Variants in HERC2 observed in about 807,000 individuals in gnomAD.
HERC2 encodes HECT and RLD domain containing E3 ubiquitin protein ligase 2.
HERC2 carries 102 observed loss-of-function variants against 537.7 expected under a neutral mutation model. That is an observed-to-expected ratio of 0.19 (90% confidence interval 0.16 to 0.22). The LOEUF (loss-of-function observed/expected upper bound fraction) is 0.22, where lower values mean the gene tolerates loss of function less well. Among genes scored for constraint, HERC2 ranks in the 10% least tolerant of loss-of-function variants. The pLI is 1.00. For missense variants in HERC2, 4,236 were observed against 6,198.2 expected (o/e 0.68, Z 10.63); for synonymous variants, 2,224 against 2,466.2 (o/e 0.90, Z 2.91).
chr15:28,203,432 A>C (rs1898082547), intron 45 of HERC2: 1 of 152,022 alleles, frequency 6.6e-6, no homozygotes, highest in African/African-American at 2.4e-5. Context: ...TTCATTCTAA[A>C]AGTTTAAAAT....
chr15:28,256,225 C>A lies in HERC2; in HGVS notation c.2610G>T (p.Val870=). 1 of 1,600,008 alleles carries A rather than the reference C, an allele frequency of 6.2e-7. No individual in the cohort carries two copies. Among genetic ancestry groups the A allele is most frequent in the Non-Finnish European group, 8.5e-7 (1 of 1,179,892 alleles). The change falls in exon 18 of 93, where the codon GTG becomes GTT. Residue 870 remains valine, a synonymous_variant. Transcript: ENST00000261609. ...ILLNSLKQTV[V]TLASSAGVLS... ...GCACGCCCGCACTGCTGGCCAGGGT[C>A]ACCACCGTCTGCTTCAGGCTGTTCA...
At chr15:28,162,193 C>T (rs942351362) in intron 69 of HERC2, among the ~76,000 whole-genome samples, 2 of 151,976 alleles carry the variant, frequency 1.3e-5, no homozygotes, top group African/African-American at 2.4e-5. Context: ...AGCCAGGCAT[C>T]GTGGCGCATG....
At chr15:28,115,360 G>A (rs185413238) in intron 89 of HERC2, 69 bp downstream of exon 89, 81 of 1,026,242 alleles carry the variant, frequency 7.9e-5, no homozygotes, top group East Asian at 5.8e-4. Flanking sequence ...CAGCCTGACC[G>A]GACCCGCAGA....
chr15:28,315,098 T>G (rs370163199), intron 2 of HERC2, among the ~76,000 whole-genome samples: 355 of 152,284 alleles, frequency 2.3e-3, no homozygotes, highest in African/African-American at 7.6e-3. Context: ...TACAACCAAT[T>G]GTTCAGCCAG....
At chr15:28,155,537 T>C (rs932400674) in intron 69 of HERC2, among the ~76,000 whole-genome samples, 7 of 151,942 alleles carry the variant, frequency 4.6e-5, no homozygotes, top group South Asian at 2.1e-4. Context: ...CATTTTTTCA[T>C]GTGTCTGGTG....
chr15:28,114,826 C>A, intron 89 of HERC2, 24 bp from the exon 90 acceptor site: 1 of 1,604,084 alleles, frequency 6.2e-7, no homozygotes, highest in South Asian at 1.1e-5. Context: ...AAAGAAAGCC[C>A]ATGTGTCGAC....
chr15:28,157,227 A>C lies in HERC2; in HGVS notation c.10747-4397T>G, dbSNP rs543648835. On this transcript the variant is annotated intron_variant, in intron 69 of 92. Transcript: ENST00000261609. Reference sequence around the variant, plus strand: ...AAATTCTTTTTGTTGTGTCTCTGCCAGGCTTTGGTATCAGGATGGTGCTGG... The same window carrying C: ...AAATTCTTTTTGTTGTGTCTCTGCCCGGCTTTGGTATCAGGATGGTGCTGG... Among the ~76,000 whole-genome samples, 3 of 152,296 alleles carry C rather than the reference A, an allele frequency of 2.0e-5. No individual in the cohort carries two copies. The South Asian group carries it at 6.2e-4, about 32-fold the overall frequency.
chr15:28,196,114 T>C, intron 52 of HERC2, 101 bp downstream of exon 52: 4 of 1,152,322 alleles, frequency 3.5e-6, no homozygotes, highest in East Asian at 2.4e-5. Context: ...AATTACTGTA[T>C]ACATAGGAAC....
chr15:28,261,777 C>A (rs1446995478), intron 15 of HERC2, among the ~76,000 whole-genome samples: 1 of 152,150 alleles, frequency 6.6e-6, no homozygotes, highest in African/African-American at 2.4e-5. Flanking sequence ...ACAATAAACA[C>A]CATATGGGCG....
intron 56 of HERC2, among the ~76,000 whole-genome samples, chr15:28,185,251 G>A (rs886780562): frequency 1.3e-5 from 2 of 151,964 alleles, no homozygotes; most frequent in Admixed American, 6.5e-5. Flanking sequence ...GCTCAACAGC[G>A]GCACAGGGCA....
At chr15:28,209,597 C>A (rs1030322423) in intron 44 of HERC2, among the ~76,000 whole-genome samples, 4 of 152,310 alleles carry the variant, frequency 2.6e-5, no homozygotes, top group Non-Finnish European at 4.4e-5. Flanking sequence ...CCCGCCTTAG[C>A]CTCCCAAAGT....
At chr15:28,266,481 C>T (rs146443288) in intron 12 of HERC2, among the ~76,000 whole-genome samples, 1,603 of 152,176 alleles carry the variant, frequency 0.011, 18 homozygotes, top group Non-Finnish European at 0.019. Context: ...CCCCATTGCA[C>T]TCCACCTTGG....
intron 12 of HERC2, among the ~76,000 whole-genome samples, chr15:28,266,765 A>G (rs1323141525): frequency 6.6e-6 from 1 of 152,176 alleles, no homozygotes; most frequent in Non-Finnish European, 1.5e-5. Context: ...AACTGGAGGT[A>G]GGAAGGGGGC....
intron 12 of HERC2, among the ~76,000 whole-genome samples, chr15:28,267,780 G>C (rs187531783): frequency 3.9e-5 from 6 of 152,374 alleles, no homozygotes; most frequent in Non-Finnish European, 7.3e-5. Flanking sequence ...AGGGACACAA[G>C]TGCAGTCATG....
rs1452901842 is a variant in HERC2 at position 28,218,656 on chromosome 15, T to C, written c.5861A>G (p.Glu1954Gly). Residue 1954 changes from glutamate to glycine, a missense_variant, in exon 38 of 93, where the codon GAA becomes GGA. By Grantham distance (98) the Glu-to-Gly change is moderately conservative. Around this residue, in one of 27 missense-constraint regions of HERC2, gnomAD observed 365 missense variants for 468.8 expected, o/e 0.78. Coordinates refer to ENST00000261609, the MANE Select transcript of HERC2 (RefSeq NM_004667.6). ...CATTGCAGTGGGGTGAATGTTCCTT[T>C]CAGTTTGTTCGGCTTCTAAAAAAAA... ...TEDDSEAEQT[E>G]RNIHPTAMMF... 1.3e-6 allele frequency: 2 copies of C among 1,586,070 alleles called. No individual in the cohort carries two copies. Among genetic ancestry groups the C allele is most frequent in the African/African-American group, 2.7e-5 (2 of 74,538 alleles).
rs373772565 is a variant in HERC2 at position 28,247,407 on chromosome 15, C to G, written c.3236-510G>C. Among the ~76,000 whole-genome samples the G allele has an allele frequency of 2.1e-4, 29 of 138,574 alleles. No individual in the cohort carries two copies. The South Asian group carries it at 4.5e-3, about 22-fold the overall frequency. 90.9% of individuals were successfully genotyped at this position (138,574 alleles called of 152,430 possible). A position where few individuals can be genotyped will look rare whatever the true frequency, so the allele number is the denominator to read the frequency against. ...CTGCTCCATAAAATCTTCAGTTTTTCTGTCTACATGGTTCTTTTTTTTTTT... is the reference window on the plus strand; with the variant it reads ...CTGCTCCATAAAATCTTCAGTTTTTGTGTCTACATGGTTCTTTTTTTTTTT... On this transcript the variant is annotated intron_variant, in intron 21 of 92. Transcript: ENST00000261609.
intron 16 of HERC2, among the ~76,000 whole-genome samples, chr15:28,257,745 CT>C (rs112527396): frequency 0.074 from 10,766 of 145,488 alleles, 792 homozygotes; most frequent in East Asian, 0.41. Flanking sequence ...AATACATATA[CT>C]TTTTTTTTTT....
intron 81 of HERC2, among the ~76,000 whole-genome samples, chr15:28,131,377 CCCA>C (rs1246358649): frequency 1.3e-5 from 2 of 152,222 alleles, no homozygotes; most frequent in Admixed American, 1.3e-4. Context: ...ACCCCACAGC[CCCA>C]CGAGAGAGGA....
rs1367226777 is a variant in HERC2, at chr15:28,233,533, T to C, written c.4380A>G (p.Ala1460=). 2 of 1,604,586 alleles carry C rather than the reference T, an allele frequency of 1.2e-6. No individual in the cohort carries two copies. The highest frequency in any genetic ancestry group is 1.7e-6 in the Non-Finnish European group (2 of 1,171,384). Residue 1460 remains alanine (A), a synonymous_variant, in exon 29 of 93, where the codon GCA becomes GCG. Coordinates refer to ENST00000261609, the MANE Select transcript of HERC2 (RefSeq NM_004667.6). The part of the protein sequence containing the change: ...LGHVALSLVH[A]GALGIEQVKH... The stretch of plus-strand genomic sequence containing the variant: ...TTACTTGCTCAATACCAAGTGCACC[T>C]GCATGAACTAAAGATAATGCCACAT...
Sources: gnomAD v4.1 joint callset for allele counts (sites outside exome capture counted in the v4.1 genomes callset) on GRCh38, gnomAD v4.1.1 for gene constraint, gnomAD v4.1.1 regional missense constraint, MANE v1.5 for transcripts, NCBI Gene and HGNC (gene_info 2026-07-23, HGNC 2026-07-21) for gene names.